NRXN3: variants seen among roughly 807,000 people sequenced by gnomAD.
The protein encoded by NRXN3 is neurexin 3.
NRXN3 carries 32 observed loss-of-function variants against 137.6 expected under a neutral mutation model. The observed-to-expected ratio is 0.23, with a 90% CI of 0.18 to 0.31. The LOEUF is 0.31. Among genes scored for constraint, NRXN3 ranks in the 10% least tolerant of loss-of-function variants. The pLI, the probability that NRXN3 is intolerant of heterozygous loss-of-function variation, is 1.00. For synonymous variants in NRXN3, 798 were observed against 784.5 expected (o/e 1.02, Z -0.29); for missense variants, 1,574 against 2,062.5 (o/e 0.76, Z 4.59).
At chr14:78,915,745 TC>T (rs1009949724) in intron 10 of NRXN3, among the ~76,000 whole-genome samples, 3 of 151,994 alleles carry the variant, frequency 2.0e-5, no homozygotes, top group African/African-American at 7.3e-5. Context: ...GGGAAGAAAT[TC>T]CATGTGCCAA....
chr14:78,788,080 G>C (rs951987719), intron 8 of NRXN3, among the ~76,000 whole-genome samples: 2 of 152,086 alleles, frequency 1.3e-5, no homozygotes, highest in Admixed American at 6.6e-5. Flanking sequence ...CAAGATTTAC[G>C]TAAGGGAAAA....
chr14:78,825,249 C>A (rs2098963419), intron 10 of NRXN3, among the ~76,000 whole-genome samples: 1 of 150,710 alleles, frequency 6.6e-6, no homozygotes, highest in Admixed American at 6.6e-5. Flanking sequence ...GCACCCATTC[C>A]TGTATTCTTT....
chr14:79,755,537 T>G (rs2099016531), intron 19 of NRXN3, among the ~76,000 whole-genome samples: 1 of 151,988 alleles, frequency 6.6e-6, no homozygotes, highest in Non-Finnish European at 1.5e-5. Flanking sequence ...CGAAGATTTT[T>G]TTTTTTTTTT....
chr14:79,551,512 T>C (rs567638401), intron 16 of NRXN3, among the ~76,000 whole-genome samples: 21 of 152,322 alleles, frequency 1.4e-4, no homozygotes, highest in African/African-American at 4.8e-4. Context: ...TTTCTGGTCC[T>C]CTTTCCATCT....
At chr14:79,274,621 GAAA>G (rs35651800) in intron 15 of NRXN3, among the ~76,000 whole-genome samples, 1,861 of 134,718 alleles carry the variant, frequency 0.014, 45 homozygotes, top group African/African-American at 0.046. Flanking sequence ...GAGTAAAAGA[GAAA>G]AAAAAAAAAA....
intron 4 of NRXN3, among the ~76,000 whole-genome samples, chr14:78,381,126 A>G (rs1467008198): frequency 1.3e-5 from 2 of 152,226 alleles, no homozygotes; most frequent in African/African-American, 2.4e-5. Context: ...CAACCTAAGT[A>G]TCACTACTTA....
rs1315773627 is a variant in NRXN3, at chr14:78,575,499, G to A, written c.758-69621G>A. Among the ~76,000 whole-genome samples the A allele has an allele frequency of 2.0e-5, 3 of 152,076 alleles. No homozygotes were observed. The East Asian group carries it at 5.8e-4, about 29-fold the overall frequency. ...TTTTCACTAGAATGCTTGATCTCTGGGGATTCCCAGAAGCCCATTCATGAA... is the reference window on the plus strand; with the variant it reads ...TTTTCACTAGAATGCTTGATCTCTGAGGATTCCCAGAAGCCCATTCATGAA... On this transcript the variant is annotated intron_variant, in intron 4 of 20. Coordinates refer to ENST00000335750, the MANE Select transcript of NRXN3 (RefSeq NM_001330195.2).
intron 15 of NRXN3, among the ~76,000 whole-genome samples, chr14:79,141,546 G>A (rs1171388084): frequency 2.6e-5 from 4 of 152,160 alleles, no homozygotes; most frequent in African/African-American, 9.7e-5. Flanking sequence ...GAGGTGAAGA[G>A]GTTACCTGAC....
intron 4 of NRXN3, among the ~76,000 whole-genome samples, chr14:78,610,284 A>T (rs1269296662): frequency 6.6e-6 from 1 of 152,236 alleles, no homozygotes; most frequent in Non-Finnish European, 1.5e-5. Flanking sequence ...CTTCTTCCAT[A>T]ATAAGTTCAT....
At chr14:78,487,788 TAAAG>T (rs200015393) in intron 4 of NRXN3, among the ~76,000 whole-genome samples, 1 of 133,188 alleles carries the variant, frequency 7.5e-6, no homozygotes, top group African/African-American at 2.7e-5. Flanking sequence ...AATAAATAAA[TAAAG>T]ATAGATTTGT....
In NRXN3 at chr14:79,164,046, A is replaced by T. The variant is rs143397694; in HGVS notation, c.3262+175905A>T. Among the ~76,000 whole-genome samples, 10 of 151,926 alleles carry T rather than the reference A, an allele frequency of 6.6e-5. No individual in the cohort carries two copies. The East Asian group carries it at 1.8e-3, about 27-fold the overall frequency. ...GCCTTGTCTTGAACATCTTACTCTG[A>T]CCTCACTAGCTCTTCACTTACCAAT... On this transcript the variant is annotated intron_variant, in intron 15 of 20. Coordinates refer to ENST00000335750, the MANE Select transcript of NRXN3 (RefSeq NM_001330195.2).
intron 17 of NRXN3, among the ~76,000 whole-genome samples, chr14:79,691,500 C>T (rs895051539): frequency 6.6e-6 from 1 of 151,894 alleles, no homozygotes; most frequent in South Asian, 2.1e-4. Context: ...ATTTGAGTTT[C>T]CTTATTTTTA....
intron 15 of NRXN3, among the ~76,000 whole-genome samples, chr14:79,450,871 A>AC (rs2096158816): frequency 1.3e-5 from 2 of 152,080 alleles, no homozygotes; most frequent in Admixed American, 1.3e-4. Context: ...GTCTCAAAAA[A>AC]AAAAAAATTA....
At chr14:78,496,720 G>T (rs1298964152) in intron 4 of NRXN3, among the ~76,000 whole-genome samples, 1 of 152,022 alleles carries the variant, frequency 6.6e-6, no homozygotes, top group Admixed American at 6.6e-5. Flanking sequence ...GAGGATAGAG[G>T]TGCTGAGTAG....
At chr14:79,166,037 A>T (rs1263303026) in intron 15 of NRXN3, among the ~76,000 whole-genome samples, 1 of 151,994 alleles carries the variant, frequency 6.6e-6, no homozygotes, top group African/African-American at 2.4e-5. Context: ...TTAAAAACGC[A>T]TGCCCTTCTA....
intron 15 of NRXN3, among the ~76,000 whole-genome samples, chr14:79,094,606 G>A (rs2049889558): frequency 1.3e-5 from 2 of 152,176 alleles, no homozygotes; most frequent in Admixed American, 6.5e-5. Flanking sequence ...AGTATCTTCT[G>A]ACGGCAGTCT....
At chr14:79,354,083 C>A (rs575754153) in intron 15 of NRXN3, among the ~76,000 whole-genome samples, 22 of 152,226 alleles carry the variant, frequency 1.4e-4, no homozygotes, top group African/African-American at 5.1e-4. Flanking sequence ...GTGAAAGTGA[C>A]ACATTCTTGT....
intron 4 of NRXN3, among the ~76,000 whole-genome samples, chr14:78,376,694 G>T (rs2087914541): frequency 6.6e-6 from 1 of 152,160 alleles, no homozygotes; most frequent in African/African-American, 2.4e-5. Flanking sequence ...CCCAAGAAAA[G>T]CCTGTTTTCT....
chr14:78,451,222 A>G (rs1269438085), intron 4 of NRXN3, among the ~76,000 whole-genome samples: 1 of 152,224 alleles, frequency 6.6e-6, no homozygotes, highest in Non-Finnish European at 1.5e-5. Context: ...ATAGCACCAC[A>G]TGTGCCCAAT....
Sources: allele counts gnomAD v4.1 joint callset (sites outside exome capture counted in the v4.1 genomes callset), GRCh38; gene constraint gnomAD v4.1.1; transcripts MANE v1.5; gene names NCBI Gene and HGNC (gene_info 2026-07-23, HGNC 2026-07-21).